The following PIEZO2 variants were observed in gnomAD, a reference collection of about 807,000 sequenced individuals.
PIEZO2 encodes the protein piezo-type mechanosensitive ion channel component 2.
Under a neutral mutation model 337.3 loss-of-function variants are expected in PIEZO2, and 172 were observed. That is an observed-to-expected ratio of 0.51 (90% CI 0.45 to 0.58). The LOEUF is 0.58. PIEZO2 is among the 20% of genes least tolerant of loss of function. The pLI, the probability that PIEZO2 is intolerant of heterozygous loss-of-function variation, is 0.00. For missense variants in PIEZO2, 3,028 were observed against 3,391.3 expected (o/e 0.89, Z 2.66); for synonymous variants, 1,251 against 1,228.5 (o/e 1.02, Z -0.38).
intron 1 of PIEZO2, among the ~76,000 whole-genome samples, chr18:11,147,756 C>A (rs952976070): frequency 5.3e-5 from 8 of 152,230 alleles, no homozygotes; most frequent in African/African-American, 1.4e-4. Context: ...TTGCTTTGCA[C>A]GCCAGGCCAG....
In PIEZO2 at chr18:10,979,558, T is replaced by C. The variant is rs2034586210; in HGVS notation, c.263A>G (p.His88Arg). 2.6e-6 allele frequency: 4 copies of C among 1,533,892 alleles called. No individual in the cohort carries two copies. The highest frequency in any genetic ancestry group is 3.5e-6 in the Non-Finnish European group (4 of 1,144,522). Residue 88 changes from histidine (H) to arginine (R), a missense_variant, in exon 3 of 56, where the codon CAT becomes CGT. Physicochemically the swap from His to Arg is conservative, Grantham distance 29. Coordinates refer to ENST00000674853, the MANE Select transcript of PIEZO2 (RefSeq NM_001378183.1). This position sits in a 1 kb window ranked among gnomAD's most constrained non-coding sequence, Gnocchi z 4.0. ...ACAGTTGTAGCCAGGTGCAATACGA[T>C]GTTGAGCTTCAAGGCTCACCAACGT... ...HITLVSLEAQ[H>R]RIAPGYNCST... is the part of the protein sequence containing the mutation.
intron 47 of PIEZO2, among the ~76,000 whole-genome samples, chr18:10,692,492 TTCTC>T (rs887044196): frequency 9.5e-5 from 14 of 146,660 alleles, no homozygotes; most frequent in Non-Finnish European, 1.8e-4. Context: ...CCTTCTTTCT[TTCTC>T]TCTCTCTCAC....
Position 10,682,775 on chromosome 18 carries a change from T to TTGTATCATGTTGTTCGATACC in PIEZO2, c.7498-484_7498-483insGGTATCGAACAACATGATACA, listed in dbSNP as rs11283859. On this transcript the variant is annotated intron_variant, in intron 49 of 55. Coordinates refer to ENST00000674853, the MANE Select transcript of PIEZO2 (RefSeq NM_001378183.1). The surrounding 1 kb of genome is among the most constrained non-coding windows in gnomAD (Gnocchi z 5.6). ...TTAATTTAATTCATGACACGTGTTG[T>TTGTATCATGTTGTTCGATACC]TAAAGACAATGTTGTTCGACACCTA... Among the ~76,000 whole-genome samples, 1 of 151,948 alleles carries TTGTATCATGTTGTTCGATACC rather than the reference T, an allele frequency of 6.6e-6. No individual in the cohort carries two copies. The highest frequency in any genetic ancestry group is 1.5e-5 in the Non-Finnish European group (1 of 67,970).
intron 8 of PIEZO2, among the ~76,000 whole-genome samples, chr18:10,804,873 C>A (rs559568633): frequency 1.3e-5 from 2 of 152,198 alleles, no homozygotes; most frequent in Admixed American, 1.3e-4. Flanking sequence ...ATGCAACAGG[C>A]CTTCCGTCCC....
intron 5 of PIEZO2, among the ~76,000 whole-genome samples, chr18:10,868,872 C>T (rs1265261578): frequency 2.6e-5 from 4 of 152,244 alleles, no homozygotes; most frequent in Non-Finnish European, 2.9e-5. Flanking sequence ...AGTCCTATGG[C>T]AAACAGCATT....
At chr18:10,881,934 C>T (rs2042431980) in intron 4 of PIEZO2, among the ~76,000 whole-genome samples, 1 of 152,158 alleles carries the variant, frequency 6.6e-6, no homozygotes, top group Non-Finnish European at 1.5e-5. Flanking sequence ...AACTGACACT[C>T]TTTCTTCCAG....
In PIEZO2 at chr18:10,682,088, T is replaced by C; in HGVS notation, c.7686+16A>G. The C allele has an allele frequency of 5.9e-6, 9 of 1,528,796 alleles. No individual in the cohort carries two copies. The highest frequency in any genetic ancestry group is 7.9e-6 in the Non-Finnish European group (9 of 1,142,170). The allele number at this position is 1,528,796 out of a possible 1,614,324, so 94.7% of individuals were successfully genotyped here. A position where few individuals can be genotyped will look rare whatever the true frequency, so the allele number is the denominator to read the frequency against. ...TGGGGCAAGGCTCTGGTAGGTGGGG[T>C]GTGCACAGAGATCACCTGATACCCT... is the stretch of plus-strand genomic sequence containing the variant. On this transcript the variant is annotated intron_variant, in intron 50 of 55. Transcript: ENST00000674853. The surrounding 1 kb of genome is among the most constrained non-coding windows in gnomAD (Gnocchi z 5.6).
chr18:10,958,898 A>G (rs2033652008), intron 3 of PIEZO2, among the ~76,000 whole-genome samples: 2 of 152,334 alleles, frequency 1.3e-5, no homozygotes, highest in South Asian at 4.1e-4. Context: ...TATAAAGTTT[A>G]CTGGCACAGT....
In PIEZO2 at chr18:10,676,996, C is replaced by T. The variant is rs548077342; in HGVS notation, c.8081+751G>A. Among the ~76,000 whole-genome samples, 5 of 152,314 alleles carry T rather than the reference C, an allele frequency of 3.3e-5. No homozygotes were observed. Among genetic ancestry groups the T allele is most frequent in the African/African-American group, 1.2e-4 (5 of 41,568 alleles). The stretch of plus-strand genomic sequence containing the variant: ...ATGAACCCAGGTGGACCTGCCAGAG[C>T]TCCCACACCTCCAAATCGCATGAGA... On this transcript the variant is annotated intron_variant, in intron 53 of 55. Coordinates refer to ENST00000674853, the MANE Select transcript of PIEZO2 (RefSeq NM_001378183.1). This position sits in a 1 kb window ranked among gnomAD's most constrained non-coding sequence, Gnocchi z 5.1.
intron 3 of PIEZO2, among the ~76,000 whole-genome samples, chr18:10,933,572 G>A (rs2145204383): frequency 6.6e-6 from 1 of 152,262 alleles, no homozygotes; most frequent in South Asian, 2.1e-4. Flanking sequence ...TGGGATGATG[G>A]AATTGTACCT....
Position 10,726,850 on chromosome 18 carries a change from GACTTGGC to G in PIEZO2, c.5029+4550_5029+4556del. On this transcript the variant is annotated intron_variant, in intron 36 of 55. Coordinates refer to ENST00000674853, the MANE Select transcript of PIEZO2 (RefSeq NM_001378183.1). The surrounding 1 kb of genome is among the most constrained non-coding windows in gnomAD (Gnocchi z 5.9). ...TACCCGGATGCCCCACCTTATGCAG[GACTTGGC>G]ACGCTACCGGCAGCAGCTGAAGCAC... The G allele has an allele frequency of 1.3e-6, 2 of 1,590,644 alleles. No individual in the cohort carries two copies. The highest frequency in any genetic ancestry group is 1.7e-6 in the Non-Finnish European group (2 of 1,161,322).
rs1446018431 is a variant in PIEZO2 at position 11,047,666 on chromosome 18, C to CG, written c.160+18460dup. On this transcript the variant is annotated intron_variant, in intron 2 of 55. Transcript: ENST00000674853. The surrounding 1 kb of genome is among the most constrained non-coding windows in gnomAD (Gnocchi z 7.2). Reference sequence around the variant, plus strand: ...AGTCTTGGTCCTAAGGAGGAGGGCACGGGGGGAATCTGGGGAGAGCACTAC... The same window carrying CG: ...AGTCTTGGTCCTAAGGAGGAGGGCACGGGGGGGAATCTGGGGAGAGCACTAC... Among the ~76,000 whole-genome samples, 2 of 152,076 alleles carry CG rather than the reference C, an allele frequency of 1.3e-5. No homozygotes were observed. The highest frequency in any genetic ancestry group is 4.8e-5 in the African/African-American group (2 of 41,408).
intron 4 of PIEZO2, among the ~76,000 whole-genome samples, chr18:10,890,320 C>T (rs1321350488): frequency 2.0e-5 from 3 of 152,162 alleles, no homozygotes; most frequent in Non-Finnish European, 4.4e-5. Context: ...GTCAATGTGG[C>T]TGAGTCTGCA....
intron 18 of PIEZO2, among the ~76,000 whole-genome samples, chr18:10,778,066 T>A (rs2038849306): frequency 6.6e-6 from 1 of 152,240 alleles, no homozygotes; most frequent in South Asian, 2.1e-4. Context: ...GTCTAAATTT[T>A]AATCAACTCT....
At position 11,116,895 on chromosome 18, in the gene PIEZO2, G is replaced by C. The variant is rs1335866640; in HGVS notation, c.64+31630C>G. Among the ~76,000 whole-genome samples the C allele has an allele frequency of 1.3e-5, 2 of 152,076 alleles. No homozygotes were observed. The highest frequency in any genetic ancestry group is 2.4e-5 in the African/African-American group (1 of 41,404). ...AGGCCAAGGCAGGAGGATCACTTGA[G>C]GTCAGGGGTTCAAAACCAGCCTGAC... On this transcript the variant is annotated intron_variant, in intron 1 of 55. Coordinates refer to ENST00000674853, the MANE Select transcript of PIEZO2 (RefSeq NM_001378183.1). This position sits in a 1 kb window ranked among gnomAD's most constrained non-coding sequence, Gnocchi z 5.0.
At chr18:11,046,185 C>T (rs887033473) in intron 2 of PIEZO2, among the ~76,000 whole-genome samples, 2 of 152,298 alleles carry the variant, frequency 1.3e-5, no homozygotes, top group Non-Finnish European at 2.9e-5. Flanking sequence ...GCTGCATGTG[C>T]GTGGGCCTTC....
chr18:10,886,323 C>CATACATATATATATATATATATAT (rs1568164981), intron 4 of PIEZO2, among the ~76,000 whole-genome samples: 3 of 26,370 alleles, frequency 1.1e-4, no homozygotes, highest in African/African-American at 8.4e-4. Context: ...CCTATACATA[C>CATACATATATATATATATATATAT]ATATATATAT....
intron 49 of PIEZO2, among the ~76,000 whole-genome samples, chr18:10,686,145 C>T (rs559703803): frequency 3.3e-5 from 5 of 152,292 alleles, no homozygotes; most frequent in Admixed American, 3.3e-4. Context: ...GGGCTTGATC[C>T]CTCCAAGACG....
rs139881213 is a variant in PIEZO2 at position 10,727,630 on chromosome 18, G to GCA, written c.5029+3775_5029+3776dup. The GCA allele has an allele frequency of 0.013, 1,960 of 150,674 alleles. 34 individuals are homozygous for GCA. Among genetic ancestry groups the GCA allele is most frequent in the African/African-American group, 0.042 (1,741 of 41,048 alleles). The allele number at this position is 150,674 out of a possible 1,614,324, so 9.3% of individuals were successfully genotyped here. ...TTTCCTAGCCCCACTCCCATTACAC[G>GCA]CACACACACACACACACATACAGAG... On this transcript the variant is annotated intron_variant, in intron 36 of 55. Coordinates refer to ENST00000674853, the MANE Select transcript of PIEZO2 (RefSeq NM_001378183.1). The surrounding 1 kb of genome is among the most constrained non-coding windows in gnomAD (Gnocchi z 6.3).
Sources: gnomAD v4.1 joint callset for allele counts (sites outside exome capture counted in the v4.1 genomes callset) on GRCh38, gnomAD v4.1.1 for gene constraint, Gnocchi (gnomAD v3.1) non-coding constraint, MANE v1.5 for transcripts, NCBI Gene and HGNC (gene_info 2026-07-23, HGNC 2026-07-21) for gene names.